The following ZBTB48 variants were observed in gnomAD, a reference collection of about 807,000 sequenced individuals.
ZBTB48 encodes the protein zinc finger and BTB domain-containing protein 48.
In ZBTB48, 35 loss-of-function variants were observed where a neutral mutation model predicts 64.5. That is an observed-to-expected ratio of 0.54 (90% CI 0.41 to 0.72). The LOEUF (loss-of-function observed/expected upper bound fraction) is 0.72, where lower values mean the gene tolerates loss of function less well. Ranked by LOEUF, ZBTB48 falls within the 30% of genes least tolerant of loss-of-function variation. ZBTB48 has a pLI of 0.00. For missense variants in ZBTB48, 828 were observed against 895.3 expected, an observed-to-expected ratio of 0.92 and a Z score of 0.96; for synonymous variants, 442 against 356.7, an observed-to-expected ratio of 1.24 and a Z score of -2.70.
intron 5 of ZBTB48, 100 bp downstream of exon 5, chr1:6,586,887 AG>A: frequency 2.2e-6 from 3 of 1,365,468 alleles, no homozygotes; most frequent in Non-Finnish European, 3.0e-6. Flanking sequence ...CCCTCACAGT[AG>A]CTGTCAGGGA....
Position 6,580,879 on chromosome 1 carries a change from G to A in ZBTB48, c.270G>A (p.Gly90=). The change falls in exon 2 of 11, where the codon GGG becomes GGA. Residue 90 remains glycine, a synonymous_variant. Coordinates refer to ENST00000377674, the MANE Select transcript of ZBTB48 (RefSeq NM_005341.4). The surrounding 1 kb of genome is among the most constrained non-coding windows in gnomAD (Gnocchi z 5.2). The part of the protein sequence containing the change: ...FYTGHLALTS[G]NRDQVLLAAR... ...CTGGTCACCTCGCTCTCACCTCAGG[G>A]AACCGGGATCAGGTGCTCCTGGCAG... The A allele has an allele frequency of 6.2e-7, 1 of 1,614,152 alleles. No homozygotes were observed. The highest frequency in any genetic ancestry group is 8.5e-7 in the Non-Finnish European group (1 of 1,180,052).
chr1:6,582,463 C>T (rs1640508278), intron 3 of ZBTB48, among the ~76,000 whole-genome samples, 164 bp downstream of exon 3: 1 of 152,200 alleles, frequency 6.6e-6, no homozygotes, highest in Non-Finnish European at 1.5e-5. Context: ...AAGTGAGAGC[C>T]TGCTTTGGGT....
At chr1:6,582,396 G>A in intron 3 of ZBTB48, 97 bp downstream of exon 3, 1 of 1,489,640 alleles carries the variant, frequency 6.7e-7, no homozygotes, top group Non-Finnish European at 9.1e-7. Context: ...GTAGGGGCTG[G>A]GGGATCCATC....
chr1:6,586,011 G>A lies in ZBTB48; in HGVS notation c.1025G>A (p.Cys342Tyr). The A allele has an allele frequency of 6.2e-7, 1 of 1,614,128 alleles. No individual in the cohort carries two copies. Among genetic ancestry groups the A allele is most frequent in the Non-Finnish European group, 8.5e-7 (1 of 1,179,974 alleles). The change falls in exon 4 of 11, where the codon TGC (cysteine) becomes TAC (tyrosine). Residue 342 changes from cysteine (C) to tyrosine (Y), a missense_variant. Cys to Tyr is a radical substitution (Grantham distance 194). Coordinates refer to ENST00000377674, the MANE Select transcript of ZBTB48 (RefSeq NM_005341.4). Reference protein sequence around the residue: ...ENLLEHEARNCMNRSEQVFTC... With the variant: ...ENLLEHEARNYMNRSEQVFTC... Reference sequence around the variant, plus strand: ...CTCCTGGAGCATGAAGCCCGGAATTGCATGAACCGCTCGGAACAGGTACTT... The same window carrying A: ...CTCCTGGAGCATGAAGCCCGGAATTACATGAACCGCTCGGAACAGGTACTT...
chr1:6,588,231 A>G (rs868637735), intron 8 of ZBTB48, 35 bp downstream of exon 8: 1 of 1,612,592 alleles, frequency 6.2e-7, no homozygotes, highest in Non-Finnish European at 8.5e-7. Flanking sequence ...TCGCCTCCCC[A>G]TCCTGAGGCC....
rs3747996 is a variant in ZBTB48, at chr1:6,582,406, C to G, written c.932+107C>G. On this transcript the variant is annotated intron_variant, in intron 3 of 10. Transcript: ENST00000377674. ...GTGAGGTAGGGGCTGGGGGATCCAT[C>G]TCAGACCCACATAGTGTCTGGCCTT... 79 of 1,421,036 alleles carry G rather than the reference C, an allele frequency of 5.6e-5. No homozygotes were observed. In the East Asian group the frequency reaches 1.7e-3, roughly 31 times the overall value. 88.0% of individuals were successfully genotyped at this position (1,421,036 alleles called of 1,614,324 possible).
At position 6,589,049 on chromosome 1, in the gene ZBTB48, A is replaced by G. The variant is rs761860518; in HGVS notation, c.1904A>G (p.Glu635Gly). ...GCGCTGCAGCCGCCTGCAGAGCTGG[A>G]GGTGGGCTCGGCGGAGGTCATTGTG... ...VVALQPPAEL[E>G]VGSAEVIVES... is the part of the protein sequence containing the mutation. The change falls in exon 11 of 11, where the codon GAG becomes GGG. Residue 635 changes from glutamate (E) to glycine (G), a missense_variant. Coordinates refer to ENST00000377674, the MANE Select transcript of ZBTB48 (RefSeq NM_005341.4). The G allele has an allele frequency of 6.2e-7, 1 of 1,601,066 alleles. No individual in the cohort carries two copies. Among genetic ancestry groups the G allele is most frequent in the Admixed American group, 1.7e-5 (1 of 57,266 alleles).
rs1289159515 is a variant in ZBTB48 at position 6,584,536 on chromosome 1, CA to C, written c.933-1382del. On this transcript the variant is annotated intron_variant, in intron 3 of 10. Transcript: ENST00000377674. This position sits in a 1 kb window ranked among gnomAD's most constrained non-coding sequence, Gnocchi z 4.5. ...ACTAGTAATCACCTAGAATGGGAGC[CA>C]GGGGGAAACCCGTTCGCTGTCCCTG... is the stretch of plus-strand genomic sequence containing the variant. Among the ~76,000 whole-genome samples the C allele has an allele frequency of 1.3e-5, 2 of 152,242 alleles. No individual in the cohort carries two copies. Among genetic ancestry groups the C allele is most frequent in the Admixed American group, 6.5e-5 (1 of 15,286 alleles).
intron 3 of ZBTB48, among the ~76,000 whole-genome samples, chr1:6,583,256 T>A (rs1640534784): frequency 6.6e-6 from 1 of 152,224 alleles, no homozygotes; most frequent in African/African-American, 2.4e-5. Flanking sequence ...CCCAAAGTGC[T>A]GGGATTACAG....
chr1:6,586,181 C>T, intron 4 of ZBTB48, 151 bp downstream of exon 4: 1 of 758,966 alleles, frequency 1.3e-6, no homozygotes, highest in Non-Finnish European at 2.2e-6. Flanking sequence ...AGGTCCATGC[C>T]CTGGTACAGG....
rs762800811 is a variant in ZBTB48 at position 6,588,750 on chromosome 1, T to A, written c.1682-6T>A. On this transcript the variant is annotated splice_polypyrimidine_tract_variant and splice_region_variant and intron_variant, in intron 9 of 10. Transcript: ENST00000377674. ...ATGATCCCCCACGGTGTTCTCCCTC[T>A]TGCAGCCGTGGAGCAACTGCGTGTG... 5 of 1,613,898 alleles carry A rather than the reference T, an allele frequency of 3.1e-6. No individual in the cohort carries two copies. The highest frequency in any genetic ancestry group is 4.2e-6 in the Non-Finnish European group (5 of 1,180,034).
Position 6,588,844 on chromosome 1 carries a change from G to A in ZBTB48, c.1770G>A (p.Gln590=), listed in dbSNP as rs1640775197. Residue 590 remains glutamine, a splice_region_variant and synonymous_variant, in exon 10 of 11, where the codon CAG becomes CAA. Coordinates refer to ENST00000377674, the MANE Select transcript of ZBTB48 (RefSeq NM_005341.4). ...AGTGTGGCTACAAGTTTACCCGACA[G>A]GTAGGCCAGGGCCTGGGCCCCTTCC... ...CTECGYKFTR[Q]AHLRRHMEIH... The A allele has an allele frequency of 6.2e-7, 1 of 1,614,086 alleles. No homozygotes were observed. The highest frequency in any genetic ancestry group is 8.5e-7 in the Non-Finnish European group (1 of 1,180,028).
intron 5 of ZBTB48, 64 bp from the exon 6 acceptor site, chr1:6,587,141 G>A: frequency 1.9e-6 from 3 of 1,563,546 alleles, no homozygotes; most frequent in Non-Finnish European, 2.6e-6. Flanking sequence ...TATAGCCCAA[G>A]GGTGGGTGGC....
intron 4 of ZBTB48, chr1:6,586,286 C>A: frequency 1.9e-6 from 1 of 532,902 alleles, no homozygotes; most frequent in Non-Finnish European, 3.3e-6. Context: ...TGGCCCACCT[C>A]CACCTTGGCT....
chr1:6,582,404 A>T, intron 3 of ZBTB48, 105 bp downstream of exon 3: 1 of 1,430,774 alleles, frequency 7.0e-7, no homozygotes, highest in South Asian at 1.3e-5. Flanking sequence ...TGGGGGATCC[A>T]TCTCAGACCC....
chr1:6,588,588 G>T, intron 9 of ZBTB48, 146 bp downstream of exon 9: 1 of 1,434,648 alleles, frequency 7.0e-7, no homozygotes, highest in Non-Finnish European at 9.3e-7. Context: ...AGGCAGGGGT[G>T]TCCTGTGCAG....
At position 6,580,560 on chromosome 1, in the gene ZBTB48, C is replaced by G. The variant is rs150974996; in HGVS notation, c.-50C>G. ...CTCCAGGAGCTTTCTCTTGCATACC[C>G]TCGCTTAGGCTGGCCGGGGTGTCAC... On this transcript the variant is annotated 5_prime_UTR_variant, in exon 2 of 11. Transcript: ENST00000377674. The surrounding 1 kb of genome is among the most constrained non-coding windows in gnomAD (Gnocchi z 5.2). 6.8e-4 allele frequency: 1,069 copies of G among 1,563,140 alleles called. 10 individuals are homozygous for G. The African/African-American group carries it at 0.013, about 20-fold the overall frequency.
chr1:6,585,807 G>C (rs6682920), intron 3 of ZBTB48, 112 bp from the exon 4 acceptor site: 1 of 979,576 alleles, frequency 1.0e-6, no homozygotes, highest in Non-Finnish European at 1.6e-6. Context: ...TTAACCAGCC[G>C]GTGTCACCTG....
In ZBTB48 at chr1:6,587,651, C is replaced by T; in HGVS notation, c.1379+19C>T. 6.2e-7 allele frequency: 1 copy of T among 1,611,306 alleles called. No homozygotes were observed. Among genetic ancestry groups the T allele is most frequent in the Non-Finnish European group, 8.5e-7 (1 of 1,179,880 alleles). ...AGCACAGGTGCGTGTCGCCCGTTCT[C>T]TCTTGGGGCCCAGTCCTGCTGCCAG... On this transcript the variant is annotated intron_variant, in intron 7 of 10. Coordinates refer to ENST00000377674, the MANE Select transcript of ZBTB48 (RefSeq NM_005341.4).
Sources: gnomAD v4.1 joint callset for allele counts (sites outside exome capture counted in the v4.1 genomes callset) on GRCh38, gnomAD v4.1.1 for gene constraint, Gnocchi (gnomAD v3.1) non-coding constraint, MANE v1.5 for transcripts, NCBI Gene and HGNC (gene_info 2026-07-23, HGNC 2026-07-21) for gene names.